CCDC192: variants seen among roughly 807,000 people sequenced by gnomAD.
The protein encoded by CCDC192 is coiled-coil domain containing 192, also known as coiled-coil domain-containing protein 192.
chr5:127,754,171 T>A, intron 2 of CCDC192, 97 bp from the exon 3 acceptor site: 1 of 393,854 alleles, frequency 2.5e-6, no homozygotes, highest in Middle Eastern at 6.4e-4. Context: ...CTATCATTGA[T>A]AAACTCTTAT....
chr5:127,710,699 G>A (rs1053411817), intron 2 of CCDC192, among the ~76,000 whole-genome samples: 5 of 152,112 alleles, frequency 3.3e-5, no homozygotes, highest in South Asian at 4.2e-4. Flanking sequence ...CAGCCCATGA[G>A]GGTGGTGTCT....
At chr5:127,921,710 T>TA (rs1753726887) in intron 6 of CCDC192, among the ~76,000 whole-genome samples, 1 of 152,150 alleles carries the variant, frequency 6.6e-6, no homozygotes, top group African/African-American at 2.4e-5. Flanking sequence ...TTTAGGAAAT[T>TA]ACTGTAGTGG....
intron 5 of CCDC192, among the ~76,000 whole-genome samples, chr5:127,871,155 CTT>C (rs1751842482): frequency 6.6e-6 from 1 of 152,234 alleles, no homozygotes; most frequent in Admixed American, 6.5e-5. Context: ...CAGCCACTGA[CTT>C]TGCCTAGGCA....
chr5:127,884,579 C>T (rs122730), intron 6 of CCDC192, among the ~76,000 whole-genome samples: 111,848 of 151,848 alleles, frequency 0.74, 42,017 homozygotes, highest in African/African-American at 0.9. Flanking sequence ...CCTGCTCATA[C>T]CACTTTCTAA....
chr5:127,704,451 G>T (rs184006146), intron 1 of CCDC192, among the ~76,000 whole-genome samples: 21 of 152,346 alleles, frequency 1.4e-4, no homozygotes, highest in Non-Finnish European at 3.1e-4. Context: ...GCCTCCCAAA[G>T]TGCTGGGATT....
intron 2 of CCDC192, among the ~76,000 whole-genome samples, chr5:127,725,551 T>C (rs1752272717): frequency 6.6e-6 from 1 of 152,218 alleles, no homozygotes; most frequent in East Asian, 1.9e-4. Context: ...GATATTCCCA[T>C]TTATTGTACT....
chr5:127,712,684 G>A (rs1751406548), intron 2 of CCDC192, among the ~76,000 whole-genome samples: 1 of 152,128 alleles, frequency 6.6e-6, no homozygotes, highest in African/African-American at 2.4e-5. Flanking sequence ...ATTATTTCCA[G>A]TTTTAGGCTC....
In CCDC192 at chr5:127,752,585, C is replaced by G. The variant is rs565210447; in HGVS notation, c.115-1683C>G. ...CTTTTTGTTTGTCTGTGCCCTGCCC[C>G]CAGAGGTGGAGCCTACAGAGGCAGG... is the stretch of plus-strand genomic sequence containing the variant. On this transcript the variant is annotated intron_variant, in intron 2 of 6. Transcript: ENST00000514853. Among the ~76,000 whole-genome samples the G allele has an allele frequency of 3.3e-5, 5 of 152,330 alleles. No homozygotes were observed. In the East Asian group the frequency reaches 9.7e-4, roughly 29 times the overall value.
At chr5:127,913,945 G>C (rs1244496665) in intron 6 of CCDC192, among the ~76,000 whole-genome samples, 2 of 152,194 alleles carry the variant, frequency 1.3e-5, no homozygotes, top group Admixed American at 1.3e-4. Context: ...AACAATTTGA[G>C]TTTGCTTTGA....
chr5:127,820,894 A>G (rs1749257676), intron 5 of CCDC192, among the ~76,000 whole-genome samples: 1 of 152,222 alleles, frequency 6.6e-6, no homozygotes, highest in Non-Finnish European at 1.5e-5. Context: ...TAATCTAAAT[A>G]TATTTTAATA....
At chr5:127,714,141 G>T (rs527285162) in intron 2 of CCDC192, among the ~76,000 whole-genome samples, 2 of 151,958 alleles carry the variant, frequency 1.3e-5, no homozygotes, top group Admixed American at 6.6e-5. Context: ...TGTCCTCCAG[G>T]TCCACCTATG....
intron 2 of CCDC192, among the ~76,000 whole-genome samples, chr5:127,713,552 T>C (rs1229745563): frequency 7.2e-5 from 11 of 152,196 alleles, no homozygotes; most frequent in Non-Finnish European, 1.6e-4. Flanking sequence ...AACAGAAGTT[T>C]TTTATTTTGA....
At chr5:127,787,525 G>C (rs1157003449) in intron 3 of CCDC192, among the ~76,000 whole-genome samples, 1 of 152,048 alleles carries the variant, frequency 6.6e-6, no homozygotes, top group African/African-American at 2.4e-5. Flanking sequence ...CTGTGTACGT[G>C]AAAATTTTTC....
intron 3 of CCDC192, among the ~76,000 whole-genome samples, chr5:127,783,949 C>A (rs1483073847): frequency 6.6e-6 from 1 of 152,122 alleles, no homozygotes; most frequent in Non-Finnish European, 1.5e-5. Context: ...ATAAGAATAG[C>A]TACTCCTGCT....
intron 2 of CCDC192, among the ~76,000 whole-genome samples, chr5:127,743,825 T>C (rs1341917735): frequency 6.6e-6 from 1 of 152,108 alleles, no homozygotes; most frequent in Admixed American, 6.5e-5. Context: ...GCGCGGTGGC[T>C]CACGCCTGTA....
intron 3 of CCDC192, among the ~76,000 whole-genome samples, chr5:127,759,865 A>G (rs1754814867): frequency 1.3e-5 from 2 of 152,144 alleles, no homozygotes; most frequent in South Asian, 4.1e-4. Flanking sequence ...TCATCTGGTA[A>G]AGGGATTTTA....
intron 6 of CCDC192, among the ~76,000 whole-genome samples, chr5:127,885,230 T>C (rs1214227835): frequency 6.6e-6 from 1 of 152,056 alleles, no homozygotes; most frequent in Non-Finnish European, 1.5e-5. Flanking sequence ...ATTTCAAAGG[T>C]TTCGTTCTTA....
intron 3 of CCDC192, among the ~76,000 whole-genome samples, chr5:127,764,006 A>T (rs1580617839): frequency 6.6e-6 from 1 of 152,268 alleles, no homozygotes; most frequent in South Asian, 2.1e-4. Context: ...CGCCGATAAT[A>T]ATTGCTTGTC....
intron 5 of CCDC192, among the ~76,000 whole-genome samples, chr5:127,849,465 T>G (rs1302669080): frequency 1.3e-5 from 2 of 152,202 alleles, no homozygotes; most frequent in Non-Finnish European, 2.9e-5. Flanking sequence ...GTCTGCAAGA[T>G]AGCCTCAGGA....
Sources: allele counts gnomAD v4.1 joint callset (sites outside exome capture counted in the v4.1 genomes callset), GRCh38; gene constraint gnomAD v4.1.1; transcripts MANE v1.5; gene names NCBI Gene and HGNC (gene_info 2026-07-23, HGNC 2026-07-21).